Variants in NBEA observed in about 807,000 individuals in gnomAD.
NBEA encodes the protein neurobeachin, also known as lysosomal-trafficking regulator 2.
Under a neutral mutation model 343.4 loss-of-function variants are expected in NBEA, and 44 were observed. The ratio of observed to expected loss-of-function variants is 0.13; its 90% CI spans 0.10 to 0.16. The LOEUF is 0.16. Among genes scored for constraint, NBEA ranks in the 10% least tolerant of loss-of-function variants. NBEA has a pLI of 1.00. For synonymous variants in NBEA, 1,175 were observed against 1,238.7 expected, an observed-to-expected ratio of 0.95 and a Z score of 1.08; for missense variants, 2,555 against 3,631.3, an observed-to-expected ratio of 0.70 and a Z score of 7.62.
At chr13:34,993,130 A>G (rs920751068) in intron 1 of NBEA, among the ~76,000 whole-genome samples, 1 of 152,154 alleles carries the variant, frequency 6.6e-6, no homozygotes, top group Non-Finnish European at 1.5e-5. Flanking sequence ...ATCGTATCTT[A>G]TTAGAGCTTA....
intron 40 of NBEA, among the ~76,000 whole-genome samples, chr13:35,472,110 G>A (rs2075677722): frequency 6.6e-6 from 1 of 152,154 alleles, no homozygotes; most frequent in Admixed American, 6.5e-5. Flanking sequence ...TTTTAAGTAA[G>A]TTAATGGCAG....
rs2040236926 is a variant in NBEA, at chr13:35,352,261, G to A, written c.6117G>A (p.Leu2039=). 7.1e-6 allele frequency: 11 copies of A among 1,558,028 alleles called. No individual in the cohort carries two copies. Among genetic ancestry groups the A allele is most frequent in the Non-Finnish European group, 9.6e-6 (11 of 1,148,106 alleles). ...KHRDHVTANQ[L]KQKILNILTN... is the part of the protein sequence containing the mutation. ...GAGATCATGTAACAGCAAATCAGCT[G>A]AAACAGAAGATTCTCAATATTCTCA... Residue 2039 remains leucine (L), a synonymous_variant, in exon 38 of 59, where the codon CTG becomes CTA. Transcript: ENST00000379939.
intron 41 of NBEA, among the ~76,000 whole-genome samples, chr13:35,540,049 A>G (rs1313832985): frequency 2.0e-5 from 3 of 151,920 alleles, no homozygotes; most frequent in African/African-American, 7.3e-5. Flanking sequence ...TATTGCTACA[A>G]TCATTACTGC....
chr13:35,576,628 A>G (rs1204146618), intron 45 of NBEA, among the ~76,000 whole-genome samples: 2 of 152,196 alleles, frequency 1.3e-5, no homozygotes, highest in East Asian at 1.9e-4. Flanking sequence ...AGGGAAGACT[A>G]AAGTCTCCAC....
intron 35 of NBEA, among the ~76,000 whole-genome samples, chr13:35,308,554 AT>A (rs945821373): frequency 8.9e-6 from 1 of 112,468 alleles, no homozygotes; most frequent in African/African-American, 3.4e-5. Context: ...ATATATGTAT[AT>A]ATGTATATAT....
At chr13:35,389,864 T>A (rs1397441448) in intron 38 of NBEA, among the ~76,000 whole-genome samples, 1 of 151,966 alleles carries the variant, frequency 6.6e-6, no homozygotes, top group African/African-American at 2.4e-5. Flanking sequence ...ATTTTATTAT[T>A]CTCTCTTAGT....
rs1192503957 is a variant in NBEA, at chr13:35,432,379, C to A, written c.6290C>A (p.Ala2097Asp). The change falls in exon 39 of 59, where the codon GCT becomes GAT. Residue 2097 changes from alanine (A) to aspartate (D), a missense_variant. Around this residue, in one of 21 missense-constraint regions of NBEA, gnomAD observed 246 missense variants for 313.7 expected, o/e 0.78. Transcript: ENST00000379939. ...GSTHAEALLK[A>D]AIEYGTEEDV... The stretch of plus-strand genomic sequence containing the variant: ...ACTCATGCTGAAGCATTGCTGAAAG[C>A]TGCAATAGAATATGGTTAGTACCAA... The A allele has an allele frequency of 6.2e-7, 1 of 1,605,948 alleles. No individual in the cohort carries two copies.
intron 12 of NBEA, 134 bp from the exon 13 acceptor site, chr13:35,110,676 A>G: frequency 1.9e-6 from 1 of 530,408 alleles, no homozygotes; most frequent in Non-Finnish European, 3.0e-6. Flanking sequence ...GAAGAAAGTT[A>G]TTTTTAACCT....
intron 41 of NBEA, among the ~76,000 whole-genome samples, chr13:35,516,395 T>C (rs1047669396): frequency 2.6e-5 from 4 of 152,176 alleles, no homozygotes; most frequent in African/African-American, 9.7e-5. Context: ...CTAGTAATGC[T>C]ATATTTTATT....
chr13:35,228,967 A>G (rs1157800206), intron 33 of NBEA, among the ~76,000 whole-genome samples: 1 of 152,142 alleles, frequency 6.6e-6, no homozygotes, highest in Non-Finnish European at 1.5e-5. Context: ...TCCCCTACAT[A>G]GGGAAATACA....
chr13:35,335,440 G>A (rs143318204), intron 36 of NBEA, among the ~76,000 whole-genome samples: 2,537 of 152,118 alleles, frequency 0.017, 33 homozygotes, highest in Middle Eastern at 0.024. Flanking sequence ...GGATAGTATG[G>A]TCATTTTAAC....
chr13:35,174,337 A>G (rs1354196934), intron 27 of NBEA, among the ~76,000 whole-genome samples: 2 of 152,100 alleles, frequency 1.3e-5, no homozygotes, highest in Non-Finnish European at 2.9e-5. Flanking sequence ...CACCCTCGCT[A>G]CCACCCCAGT....
intron 1 of NBEA, among the ~76,000 whole-genome samples, chr13:35,008,036 G>A (rs1233407570): frequency 6.6e-6 from 1 of 152,112 alleles, no homozygotes; most frequent in Non-Finnish European, 1.5e-5. Context: ...CTTGAGAGAA[G>A]ATTACTTTTG....
At chr13:35,040,157 A>C (rs1051909389) in intron 1 of NBEA, among the ~76,000 whole-genome samples, 2 of 152,138 alleles carry the variant, frequency 1.3e-5, no homozygotes, top group African/African-American at 4.8e-5. Context: ...TTTTTTAAGA[A>C]TGATGCTTTT....
intron 2 of NBEA, among the ~76,000 whole-genome samples, chr13:35,042,574 C>G (rs1593558702): frequency 6.6e-6 from 1 of 151,656 alleles, no homozygotes; most frequent in East Asian, 1.9e-4. Flanking sequence ...TTCATCAGCA[C>G]TGAAATGTGA....
intron 38 of NBEA, among the ~76,000 whole-genome samples, chr13:35,430,693 G>T (rs2045044907): frequency 6.6e-6 from 1 of 152,082 alleles, no homozygotes; most frequent in Non-Finnish European, 1.5e-5. Context: ...GATAACATTA[G>T]CTCTCTGACC....
rs1233130450 is a variant in NBEA, at chr13:35,015,142, AAC to A, written c.295-25789_295-25788del. Among the ~76,000 whole-genome samples, 559 of 141,800 alleles carry A rather than the reference AAC, an allele frequency of 3.9e-3. 104 individuals are homozygous for A. Among genetic ancestry groups the A allele is most frequent in the African/African-American group, 0.014 (507 of 35,740 alleles). The allele number at this position is 141,800 out of a possible 152,430, so 93.0% of individuals were successfully genotyped here. The stretch of plus-strand genomic sequence containing the variant: ...AACGAGATCTGAAAAAAAAAAAACA[AAC>A]AAAAAAAAAAAACCACACACAAAGC... On this transcript the variant is annotated intron_variant, in intron 1 of 58. Transcript: ENST00000379939.
intron 40 of NBEA, among the ~76,000 whole-genome samples, chr13:35,468,534 T>A (rs1394769661): frequency 6.6e-6 from 1 of 152,190 alleles, no homozygotes; most frequent in Non-Finnish European, 1.5e-5. Flanking sequence ...TTATTTCTGA[T>A]GCCTGACAGA....
At chr13:35,581,522 G>C (rs1056691256) in intron 45 of NBEA, among the ~76,000 whole-genome samples, 3 of 151,676 alleles carry the variant, frequency 2.0e-5, no homozygotes, top group African/African-American at 7.3e-5. Flanking sequence ...CTGGATATTA[G>C]CCCTTTGTCA....
Sources: gnomAD v4.1 joint callset for allele counts (sites outside exome capture counted in the v4.1 genomes callset) on GRCh38, gnomAD v4.1.1 for gene constraint, gnomAD v4.1.1 regional missense constraint, MANE v1.5 for transcripts, NCBI Gene and HGNC (gene_info 2026-07-23, HGNC 2026-07-21) for gene names.